TNR: variants seen among roughly 807,000 people sequenced by gnomAD.
The protein encoded by TNR is tenascin-R.
A neutral mutation model predicts 150.4 loss-of-function variants in TNR; 45 were observed. The observed-to-expected ratio is 0.30, with a 90% confidence interval of 0.24 to 0.38. The LOEUF (loss-of-function observed/expected upper bound fraction) is 0.38. Among genes scored for constraint, TNR ranks in the 10% least tolerant of loss-of-function variants. The pLI is 1.00. For synonymous variants in TNR, 687 were observed against 678.4 expected (o/e 1.01, Z -0.20); for missense variants, 1,544 against 1,759.1 (o/e 0.88, Z 2.19).
intron 2 of TNR, among the ~76,000 whole-genome samples, chr1:175,515,199 A>G (rs985148551): frequency 2.0e-5 from 3 of 152,194 alleles, no homozygotes; most frequent in Non-Finnish European, 4.4e-5. Context: ...TCATTGGCCC[A>G]TTCATTCATC....
intron 1 of TNR, among the ~76,000 whole-genome samples, chr1:175,663,985 T>C (rs1450486533): frequency 6.6e-6 from 1 of 152,098 alleles, no homozygotes; most frequent in Non-Finnish European, 1.5e-5. Flanking sequence ...TGTCCAAGTG[T>C]GGGTCCCAGG....
intron 1 of TNR, among the ~76,000 whole-genome samples, chr1:175,626,594 A>G (rs540036936): frequency 1.2e-4 from 19 of 152,352 alleles, no homozygotes; most frequent in African/African-American, 4.6e-4. Context: ...ATTGAGAAGA[A>G]AGCAACTGAG....
At chr1:175,582,144 T>C (rs1265130140) in intron 1 of TNR, among the ~76,000 whole-genome samples, 1 of 152,202 alleles carries the variant, frequency 6.6e-6, no homozygotes, top group African/African-American at 2.4e-5. Flanking sequence ...CCTTTATAGG[T>C]AATGCCTTTT....
intron 1 of TNR, among the ~76,000 whole-genome samples, chr1:175,687,216 G>T (rs942011287): frequency 1.3e-5 from 2 of 152,048 alleles, no homozygotes; most frequent in African/African-American, 4.8e-5. Flanking sequence ...CCTCCACTAA[G>T]CTCTGGCCAG....
At chr1:175,663,204 C>T (rs746035948) in intron 1 of TNR, among the ~76,000 whole-genome samples, 1 of 152,174 alleles carries the variant, frequency 6.6e-6, no homozygotes, top group Non-Finnish European at 1.5e-5. Flanking sequence ...GGGGATCCAC[C>T]CACCCTGAGC....
chr1:175,648,536 T>C (rs900607416), intron 1 of TNR, among the ~76,000 whole-genome samples: 4 of 152,138 alleles, frequency 2.6e-5, no homozygotes, highest in Non-Finnish European at 5.9e-5. Flanking sequence ...CCATTTCAGA[T>C]TGTCTATCTC....
At chr1:175,640,342 G>A (rs1664617516) in intron 1 of TNR, among the ~76,000 whole-genome samples, 1 of 152,144 alleles carries the variant, frequency 6.6e-6, no homozygotes, top group Non-Finnish European at 1.5e-5. Context: ...AACTGTAAGG[G>A]CAATGAGCTC....
intron 2 of TNR, among the ~76,000 whole-genome samples, chr1:175,502,720 G>A (rs1200644976): frequency 6.6e-6 from 1 of 152,200 alleles, no homozygotes; most frequent in East Asian, 1.9e-4. Context: ...TAAAGATGCA[G>A]TGGCGAGGGT....
In TNR at chr1:175,334,070, T is replaced by C. The variant is rs1479596061; in HGVS notation, c.3631+1641A>G. ...TTGGCTAAGGCATTGGGCCTTCTCC[T>C]GGTGGTAATGTGGAGTCATTGAAAA... On this transcript the variant is annotated intron_variant, in intron 20 of 22. Coordinates refer to ENST00000367674, the MANE Select transcript of TNR (RefSeq NM_003285.3). 3.3e-5 allele frequency among the ~76,000 whole-genome samples: 5 copies of C among 152,336 alleles called. No individual in the cohort carries two copies. The South Asian group carries it at 1.0e-3, about 32-fold the overall frequency.
intron 1 of TNR, among the ~76,000 whole-genome samples, chr1:175,650,871 C>CTA (rs1664953546): frequency 9.5e-6 from 1 of 104,946 alleles, no homozygotes; most frequent in Non-Finnish European, 2.0e-5. Context: ...CACCTCATTC[C>CTA]TCCTCCTCCC....
At chr1:175,652,420 A>G (rs1156767882) in intron 1 of TNR, among the ~76,000 whole-genome samples, 1 of 152,094 alleles carries the variant, frequency 6.6e-6, no homozygotes, top group Non-Finnish European at 1.5e-5. Flanking sequence ...TAAAACCAAT[A>G]AGAAGTTACT....
At chr1:175,537,106 C>T (rs746244188) in intron 1 of TNR, among the ~76,000 whole-genome samples, 3 of 152,176 alleles carry the variant, frequency 2.0e-5, no homozygotes, top group Non-Finnish European at 4.4e-5. Flanking sequence ...GGTGCACGAT[C>T]GTTAAGTGAT....
At chr1:175,506,860 G>A (rs1413996001) in intron 2 of TNR, among the ~76,000 whole-genome samples, 1 of 152,216 alleles carries the variant, frequency 6.6e-6, no homozygotes, top group African/African-American at 2.4e-5. Context: ...TCTGGGCCAG[G>A]CCTCAGTTAG....
At chr1:175,424,209 A>G (rs1654872483) in intron 2 of TNR, among the ~76,000 whole-genome samples, 1 of 152,200 alleles carries the variant, frequency 6.6e-6, no homozygotes, top group African/African-American at 2.4e-5. Context: ...CCGGGGAAGC[A>G]CTGCCCAATG....
intron 15 of TNR, among the ~76,000 whole-genome samples, chr1:175,358,806 T>A (rs547836808): frequency 6.6e-6 from 1 of 152,328 alleles, no homozygotes; most frequent in Admixed American, 6.5e-5. Context: ...TCGTGTTAGT[T>A]AAACCTGTTG....
intron 2 of TNR, among the ~76,000 whole-genome samples, chr1:175,445,166 A>G (rs1051159780): frequency 3.3e-5 from 5 of 152,290 alleles, no homozygotes; most frequent in Admixed American, 2.0e-4. Context: ...GCTACTCGGG[A>G]GGCAGAGGCA....
At chr1:175,366,825 G>T (rs2859048) in intron 10 of TNR, among the ~76,000 whole-genome samples, 2,995 of 152,322 alleles carry the variant, frequency 0.02, 107 homozygotes, top group African/African-American at 0.069. Flanking sequence ...CACCCAAGTG[G>T]CGTTTGTGAG....
rs192474730 is a variant in TNR, at chr1:175,321,367, G to A, written c.*1990C>T. 3 of 152,254 alleles carry A rather than the reference G, an allele frequency of 2.0e-5. No individual in the cohort carries two copies. The East Asian group carries it at 5.8e-4, about 29-fold the overall frequency. The allele number at this position is 152,254 out of a possible 1,614,324, so 9.4% of individuals were successfully genotyped here. A position where few individuals can be genotyped will look rare whatever the true frequency, so the allele number is the denominator to read the frequency against. On this transcript the variant is annotated 3_prime_UTR_variant, in exon 23 of 23. Coordinates refer to ENST00000367674, the MANE Select transcript of TNR (RefSeq NM_003285.3). ...TCCGAGGCCTGATGGTCAGCCCAAG[G>A]GACTTTTCATCTTGGTTCTCAAAGC...
At chr1:175,674,396 C>G (rs1665799580) in intron 1 of TNR, among the ~76,000 whole-genome samples, 1 of 152,210 alleles carries the variant, frequency 6.6e-6, no homozygotes, top group South Asian at 2.1e-4. Context: ...CAACCCAACT[C>G]CATCAAAGTC....
Sources: allele counts gnomAD v4.1 joint callset (sites outside exome capture counted in the v4.1 genomes callset), GRCh38; gene constraint gnomAD v4.1.1; transcripts MANE v1.5; gene names NCBI Gene and HGNC (gene_info 2026-07-23, HGNC 2026-07-21).